Variants in PPM1H observed in about 807,000 individuals in gnomAD.
PPM1H encodes protein phosphatase, Mg2+/Mn2+ dependent 1H, also known as protein phosphatase 1H.
Under a neutral mutation model 54.9 loss-of-function variants are expected in PPM1H, and 27 were observed. That is an observed-to-expected ratio of 0.49 (90% confidence interval 0.36 to 0.68). The LOEUF (loss-of-function observed/expected upper bound fraction) is 0.68. Ranked by LOEUF, PPM1H falls within the 30% of genes least tolerant of loss-of-function variation. PPM1H has a pLI of 0.00. For synonymous variants in PPM1H, 305 were observed against 270.8 expected (o/e 1.13, Z -1.24); for missense variants, 596 against 667.8 (o/e 0.89, Z 1.19).
At chr12:62,832,085 T>C (rs1868371226) in intron 2 of PPM1H, 29 bp downstream of exon 2, 1 of 1,609,194 alleles carries the variant, frequency 6.2e-7, no homozygotes, top group African/African-American at 1.3e-5. Flanking sequence ...TCTTCTCACC[T>C]GAGAACCAAG....
intron 4 of PPM1H, chr12:62,755,459 A>T: frequency 1.5e-6 from 1 of 687,230 alleles, no homozygotes; most frequent in South Asian, 1.5e-5. Context: ...ATCTTCCAGG[A>T]GCGAGATCCC....
At chr12:62,912,711 A>G (rs1469517677) in intron 1 of PPM1H, among the ~76,000 whole-genome samples, 1 of 152,212 alleles carries the variant, frequency 6.6e-6, no homozygotes, top group African/African-American at 2.4e-5. Context: ...ATTAACCAAA[A>G]AAAGAATCCA....
At chr12:62,741,413 C>T (rs2076380255) in intron 4 of PPM1H, among the ~76,000 whole-genome samples, 1 of 152,240 alleles carries the variant, frequency 6.6e-6, no homozygotes, top group Admixed American at 6.5e-5. Context: ...TGTTAAAGCA[C>T]CGCTCTCATC....
chr12:62,726,576 C>T (rs1034505347), intron 5 of PPM1H, among the ~76,000 whole-genome samples: 23 of 152,124 alleles, frequency 1.5e-4, no homozygotes, highest in Non-Finnish European at 3.2e-4. Context: ...AGCCAAAATC[C>T]TGGAGAAGAG....
chr12:62,737,108 A>T (rs1200232750), intron 5 of PPM1H, among the ~76,000 whole-genome samples: 1 of 152,124 alleles, frequency 6.6e-6, no homozygotes, highest in Non-Finnish European at 1.5e-5. Flanking sequence ...TCTTCCTCAC[A>T]ACGGGAATCA....
At chr12:62,852,225 T>TC (rs1439003347) in intron 1 of PPM1H, among the ~76,000 whole-genome samples, 3 of 96,174 alleles carry the variant, frequency 3.1e-5, no homozygotes, top group Non-Finnish European at 5.3e-5. Context: ...CGAGACTCTG[T>TC]CTCAAAAAAA....
chr12:62,662,419 T>C (rs529429240), intron 9 of PPM1H, among the ~76,000 whole-genome samples: 11 of 152,358 alleles, frequency 7.2e-5, no homozygotes, highest in Admixed American at 6.5e-4. Context: ...AGCTGAATTA[T>C]ATCAGACAAT....
Position 62,669,730 on chromosome 12 carries a change from G to A in PPM1H, c.1246-2401C>T, listed in dbSNP as rs781575505. 6.6e-5 allele frequency among the ~76,000 whole-genome samples: 10 copies of A among 152,034 alleles called. No homozygotes were observed. The South Asian group carries it at 1.4e-3, about 22-fold the overall frequency. Reference sequence around the variant, plus strand: ...GGGGATCACTTGAGGCCAGGAGTTCGTGACCAGCCTGGGCAACATAGTGAG... The same window carrying A: ...GGGGATCACTTGAGGCCAGGAGTTCATGACCAGCCTGGGCAACATAGTGAG... On this transcript the variant is annotated intron_variant, in intron 8 of 9. Transcript: ENST00000228705.
chr12:62,728,351 C>A (rs985595578), intron 5 of PPM1H, among the ~76,000 whole-genome samples: 30 of 152,188 alleles, frequency 2.0e-4, no homozygotes, highest in Non-Finnish European at 4.1e-4. Context: ...GATGCTGGAA[C>A]AACTGACTGT....
chr12:62,728,105 G>A (rs1445137865), intron 5 of PPM1H, among the ~76,000 whole-genome samples: 1 of 152,164 alleles, frequency 6.6e-6, no homozygotes, highest in Non-Finnish European at 1.5e-5. Context: ...AGAGGGCGGA[G>A]GTATACCCCA....
At chr12:62,759,906 C>G (rs1433584599) in intron 4 of PPM1H, among the ~76,000 whole-genome samples, 2 of 151,352 alleles carry the variant, frequency 1.3e-5, no homozygotes, top group East Asian at 2.0e-4. Flanking sequence ...CTCACCCCTT[C>G]TTCACTTTCC....
At chr12:62,836,456 T>A (rs955039970) in intron 1 of PPM1H, among the ~76,000 whole-genome samples, 1 of 152,222 alleles carries the variant, frequency 6.6e-6, no homozygotes, top group Non-Finnish European at 1.5e-5. Flanking sequence ...AGAAAGTAAT[T>A]AACTCATTTC....
intron 9 of PPM1H, 25 bp from the exon 10 acceptor site, chr12:62,648,661 A>ACAGT (rs2075799825): frequency 1.2e-6 from 2 of 1,612,216 alleles, no homozygotes; most frequent in Non-Finnish European, 1.7e-6. Context: ...CAGGAACGAG[A>ACAGT]CAGTCAGTAG....
At chr12:62,861,398 T>A (rs1375983587) in intron 1 of PPM1H, among the ~76,000 whole-genome samples, 1 of 152,268 alleles carries the variant, frequency 6.6e-6, no homozygotes, top group African/African-American at 2.4e-5. Context: ...AACAGTTTCA[T>A]TTAAACTACA....
intron 1 of PPM1H, among the ~76,000 whole-genome samples, chr12:62,928,220 G>A (rs939227661): frequency 6.6e-6 from 1 of 152,182 alleles, no homozygotes; most frequent in Admixed American, 6.5e-5. Context: ...TGGTATATGG[G>A]AGATGGGCCA....
At chr12:62,765,352 T>C (rs2076535423) in intron 4 of PPM1H, among the ~76,000 whole-genome samples, 1 of 152,138 alleles carries the variant, frequency 6.6e-6, no homozygotes, top group Non-Finnish European at 1.5e-5. Flanking sequence ...TGTGTTTCCC[T>C]AAAAGAAGCC....
rs144941845 is a variant in PPM1H at position 62,867,936 on chromosome 12, C to T, written c.246-35657G>A. Among the ~76,000 whole-genome samples the T allele has an allele frequency of 3.0e-3, 456 of 152,152 alleles. 2 individuals carry two copies. Among genetic ancestry groups the T allele is most frequent in the African/African-American group, 0.01 (435 of 41,524 alleles). On this transcript the variant is annotated intron_variant, in intron 1 of 9. Coordinates refer to ENST00000228705, the MANE Select transcript of PPM1H (RefSeq NM_020700.2). ...GGCATCACAGCAGCTGGTGTAAATG[C>T]CCATATTACGTTCTGGGGTGCTTCC... is the stretch of plus-strand genomic sequence containing the variant.
chr12:62,832,124 T>C lies in PPM1H; in HGVS notation c.401A>G (p.Lys134Arg). 1 of 1,613,852 alleles carries C rather than the reference T, an allele frequency of 6.2e-7. No individual in the cohort carries two copies. The highest frequency in any genetic ancestry group is 8.5e-7 in the Non-Finnish European group (1 of 1,179,820). Residue 134 changes from lysine to arginine, a missense_variant, in exon 2 of 10, where the codon AAG (lysine) becomes AGG (arginine). Lys to Arg is a conservative substitution (Grantham distance 26). Coordinates refer to ENST00000228705, the MANE Select transcript of PPM1H (RefSeq NM_020700.2). The stretch of plus-strand genomic sequence containing the variant: ...CGAGAAGGGTCTTACCGAGTTCTCC[T>C]TCAGCTGCAGCCCTTCCCCATTGGG... The part of the protein sequence containing the change: ...SLPNGEGLQL[K>R]ENSESEGVSC...
intron 1 of PPM1H, among the ~76,000 whole-genome samples, chr12:62,902,889 C>T (rs1477291316): frequency 6.6e-6 from 1 of 152,156 alleles, no homozygotes; most frequent in Non-Finnish European, 1.5e-5. Flanking sequence ...CATCCAGCCA[C>T]AGTTTAGGCA....
Sources: gnomAD v4.1 joint callset for allele counts (sites outside exome capture counted in the v4.1 genomes callset) on GRCh38, gnomAD v4.1.1 for gene constraint, MANE v1.5 for transcripts, NCBI Gene and HGNC (gene_info 2026-07-23, HGNC 2026-07-21) for gene names.